Variants in CELF2 observed in about 807,000 individuals in gnomAD.
CELF2 encodes the protein CUGBP Elav-like family member 2.
CELF2 carries 8 observed loss-of-function variants against 62.6 expected under a neutral mutation model. The observed-to-expected ratio is 0.13, with a 90% CI of 0.07 to 0.23. The LOEUF is 0.23. CELF2 is among the 10% of genes least tolerant of loss of function. The pLI is 1.00. For synonymous variants in CELF2, 258 were observed against 250.0 expected (o/e 1.03, Z -0.30); for missense variants, 333 against 671.0 (o/e 0.50, Z 5.56).
chr10:10,885,356 A>G (rs1223062230), intron 1 of CELF2, among the ~76,000 whole-genome samples: 3 of 151,956 alleles, frequency 2.0e-5, no homozygotes, highest in African/African-American at 7.2e-5. Context: ...AAGTTATCAA[A>G]TGGTAGATGT....
upstream of CELF2, among the ~76,000 whole-genome samples, chr10:11,001,254 T>G (rs1020893180): frequency 2.0e-5 from 3 of 152,346 alleles, 1 homozygote; most frequent in South Asian, 6.2e-4. Flanking sequence ...CTAAATAGAT[T>G]TAATGTCCTT....
chr10:11,143,166 G>A (rs145757572), intron 1 of CELF2, among the ~76,000 whole-genome samples: 1 of 152,112 alleles, frequency 6.6e-6, no homozygotes, highest in Non-Finnish European at 1.5e-5. Context: ...GCCTGTAATG[G>A]ACACTTTTCC....
At chr10:11,062,782 G>A (rs2067121772) in intron 1 of CELF2, among the ~76,000 whole-genome samples, 1 of 152,198 alleles carries the variant, frequency 6.6e-6, no homozygotes, top group Non-Finnish European at 1.5e-5. Flanking sequence ...TAGTGGCAGG[G>A]TTTGTGAGGA....
chr10:10,905,168 T>C (rs1181367249), intron 1 of CELF2, among the ~76,000 whole-genome samples: 2 of 152,224 alleles, frequency 1.3e-5, no homozygotes, highest in African/African-American at 2.4e-5. Context: ...TGTGAAGTGC[T>C]AAGCAAAATG....
the CELF2 span, among the ~76,000 whole-genome samples, chr10:10,485,297 G>A: frequency 6.6e-6 from 1 of 152,188 alleles, no homozygotes. Context: ...GGTGACAGGT[G>A]TTCATAGCAT....
the CELF2 span, among the ~76,000 whole-genome samples, chr10:10,598,633 C>T: frequency 1.3e-5 from 2 of 151,424 alleles, no homozygotes; most frequent in African/African-American, 4.9e-5. Context: ...ATTCAGAGAA[C>T]ACTATTTAGA....
At chr10:10,569,674 A>G in the CELF2 span, among the ~76,000 whole-genome samples, 886 of 152,336 alleles carry the variant, frequency 5.8e-3, 8 homozygotes, top group African/African-American at 0.021. Context: ...GCAAAGAATC[A>G]GTACTTTCAG....
chr10:11,061,335 A>G (rs2066674120), intron 1 of CELF2, among the ~76,000 whole-genome samples: 1 of 152,236 alleles, frequency 6.6e-6, no homozygotes, highest in South Asian at 2.1e-4. Context: ...AATTCTTTGA[A>G]GGATGAGAGA....
intron 1 of CELF2, among the ~76,000 whole-genome samples, chr10:11,104,807 G>A (rs1261177388): frequency 2.6e-5 from 4 of 152,174 alleles, no homozygotes; most frequent in African/African-American, 7.2e-5. Flanking sequence ...ATAAGAATAG[G>A]AATCATCTGG....
chr10:10,801,024 A>T (rs1564639071), intron 1 of CELF2, among the ~76,000 whole-genome samples: 1 of 152,110 alleles, frequency 6.6e-6, no homozygotes, highest in Non-Finnish European at 1.5e-5. Context: ...TGAAACATGT[A>T]TCGCCCCCAA....
chr10:10,662,779 A>G, the CELF2 span, among the ~76,000 whole-genome samples: 1 of 152,240 alleles, frequency 6.6e-6, no homozygotes. Context: ...ATCTTTTGAC[A>G]TAGTAGCTTT....
At chr10:10,641,516 C>T in the CELF2 span, among the ~76,000 whole-genome samples, 1 of 152,264 alleles carries the variant, frequency 6.6e-6, no homozygotes, top group Non-Finnish European at 1.5e-5. Flanking sequence ...TCTCTGCTCA[C>T]TGCAATTTCT....
the CELF2 span, among the ~76,000 whole-genome samples, chr10:10,524,432 GGCC>G: frequency 1.3e-5 from 2 of 150,382 alleles, no homozygotes; most frequent in Non-Finnish European, 3.0e-5. Context: ...CAGGTTCACA[GGCC>G]TCTGAATAAG....
the CELF2 span, among the ~76,000 whole-genome samples, chr10:10,586,221 G>A: frequency 4.6e-5 from 7 of 152,214 alleles, no homozygotes; most frequent in Non-Finnish European, 7.4e-5. Flanking sequence ...ACAATAACTT[G>A]CAACAGGGAA....
chr10:11,134,125 C>A (rs776589401), intron 1 of CELF2, among the ~76,000 whole-genome samples: 93 of 152,142 alleles, frequency 6.1e-4, no homozygotes, highest in Non-Finnish European at 1.2e-3. Flanking sequence ...AGAGGATCGC[C>A]GTCCTTCCCT....
the CELF2 span, among the ~76,000 whole-genome samples, chr10:10,464,770 G>A: frequency 1.3e-5 from 2 of 152,142 alleles, no homozygotes; most frequent in African/African-American, 4.8e-5. Flanking sequence ...ATAGATTGCT[G>A]TAGTTAAAAT....
At chr10:11,103,906 C>G (rs1247721676) in intron 1 of CELF2, among the ~76,000 whole-genome samples, 2 of 152,146 alleles carry the variant, frequency 1.3e-5, no homozygotes, top group East Asian at 3.8e-4. Flanking sequence ...ATTTTAAAAT[C>G]TGGAAGGGTA....
rs192871457 is a variant in CELF2 at position 10,913,670 on chromosome 10, T to G, written c.54-6294T>G. The stretch of plus-strand genomic sequence containing the variant: ...GCTACCAAAGTGTTGTGATTACAGG[T>G]GTGAGCCGCTGCACCCAGCCTGTAA... On this transcript the variant is annotated intron_variant, in intron 1 of 13. Transcript: ENST00000636488. 2.4e-3 allele frequency among the ~76,000 whole-genome samples: 368 copies of G among 151,536 alleles called. 3 individuals carry two copies. The highest frequency in any genetic ancestry group is 8.5e-3 in the African/African-American group (348 of 40,978).
intron 5 of CELF2, among the ~76,000 whole-genome samples, chr10:11,266,335 A>C (rs7072651): frequency 6.6e-6 from 1 of 152,174 alleles, no homozygotes; most frequent in Non-Finnish European, 1.5e-5. Context: ...ACAGTACCCA[A>C]CTTCCTCCCC....
Sources: allele counts gnomAD v4.1 joint callset (sites outside exome capture counted in the v4.1 genomes callset), GRCh38; gene constraint gnomAD v4.1.1; transcripts MANE v1.5; gene names NCBI Gene and HGNC (gene_info 2026-07-23, HGNC 2026-07-21).